The following PRSS2 variants were observed in gnomAD, a reference collection of about 807,000 sequenced individuals.
PRSS2 encodes serine protease 2, also known as trypsin-2.
In PRSS2, 19 loss-of-function variants were observed where a neutral mutation model predicts 19.2. The ratio of observed to expected loss-of-function variants is 0.99; its 90% CI spans 0.69 to 1.45. The LOEUF (loss-of-function observed/expected upper bound fraction) is 1.45. PRSS2 is among the 40% of genes most tolerant of loss of function. The pLI is 0.00. For missense variants in PRSS2, 288 were observed against 294.4 expected (o/e 0.98, Z 0.16); for synonymous variants, 107 against 117.5 (o/e 0.91, Z 0.58).
At chr7:142,774,271 AG>A (rs1400758040) in intron 4 of PRSS2, 84 bp from the exon 5 acceptor site, 1 of 1,056,126 alleles carries the variant, frequency 9.5e-7, no homozygotes, top group African/African-American at 1.5e-5. Context: ...CTGGCTGGAA[AG>A]GGCTCTTTTA....
At position 142,772,097 on chromosome 7, in the gene PRSS2, G is replaced by C. The variant is rs772292194; in HGVS notation, c.89G>C (p.Cys30Ser). Residue 30 changes from cysteine (C) to serine (S), a missense_variant, in exon 2 of 5, where the codon TGT becomes TCT. Transcript: ENST00000539842. ...DDDKIVGGYI[C>S]EENSVPYQVS... ...GACAAGATCGTTGGGGGCTACATCT[G>C]TGAGGAGAATTCTGTCCCCTACCAG... 1 of 1,613,832 alleles carries C rather than the reference G, an allele frequency of 6.2e-7. No individual in the cohort carries two copies. The highest frequency in any genetic ancestry group is 1.1e-5 in the South Asian group (1 of 91,058).
rs1800118519 is a variant in PRSS2, at chr7:142,773,304, T to C, written c.239T>C (p.Val80Ala). The C allele has an allele frequency of 6.2e-7, 1 of 1,614,216 alleles. No homozygotes were observed. Among genetic ancestry groups the C allele is most frequent in the Non-Finnish European group, 8.5e-7 (1 of 1,180,040 alleles). The part of the protein sequence containing the change: ...QVRLGEHNIE[V>A]LEGNEQFINA... ...AGACTGGGAGAGCACAACATCGAAG[T>C]CCTGGAGGGGAATGAACAGTTCATC... The change falls in exon 3 of 5, where the codon GTC becomes GCC. Residue 80 changes from valine to alanine, a missense_variant. Val to Ala is a moderately conservative substitution (Grantham distance 64). Transcript: ENST00000539842.
At position 142,774,197 on chromosome 7, in the gene PRSS2, G is replaced by T. The variant is rs891530291; in HGVS notation, c.591+142G>T. 452 of 1,193,118 alleles carry T rather than the reference G, an allele frequency of 3.8e-4. No individual in the cohort carries two copies. In the African/African-American group the frequency reaches 6.0e-3, roughly 16 times the overall value. 73.9% of individuals were successfully genotyped at this position (1,193,118 alleles called of 1,614,324 possible). A position where few individuals can be genotyped will look rare whatever the true frequency, so the allele number is the denominator to read the frequency against. ...GAAGTGAGGAAGACTCCTTTGGGCT[G>T]CATCCTGTCTGCTTAGGAAGAACAG... On this transcript the variant is annotated intron_variant, in intron 4 of 4. Coordinates refer to ENST00000539842, the MANE Select transcript of PRSS2 (RefSeq NM_002770.4).
At chr7:142,771,056 A>T (rs548651868) in intron 1 of PRSS2, 34 bp downstream of exon 1, 6 of 443,754 alleles carry the variant, frequency 1.4e-5, no homozygotes, top group Admixed American at 3.5e-5. Context: ...GCCTCAACCA[A>T]CCCTTCCCTG....
intron 2 of PRSS2, 86 bp from the exon 3 acceptor site, chr7:142,773,180 G>A: frequency 1.9e-6 from 3 of 1,612,236 alleles, no homozygotes; most frequent in Non-Finnish European, 1.7e-6. Flanking sequence ...CTGTCCATGA[G>A]CAGGGAGCTT....
intron 1 of PRSS2, 131 bp downstream of exon 1, chr7:142,771,153 C>CCCAT (rs2117058992): frequency 2.0e-6 from 1 of 494,442 alleles, no homozygotes; most frequent in Admixed American, 3.0e-5. Context: ...ATTTCTTCTT[C>CCCAT]CCATCCTCCT....
chr7:142,773,127 G>A, intron 2 of PRSS2, 139 bp from the exon 3 acceptor site: 2 of 1,485,364 alleles, frequency 1.3e-6, no homozygotes, highest in South Asian at 1.3e-5. Context: ...TTGCTCTCCT[G>A]CCCATGCAAT....
intron 2 of PRSS2, chr7:142,772,635 G>A (rs1453139353): frequency 1.5e-6 from 1 of 657,216 alleles, no homozygotes; most frequent in Non-Finnish European, 2.7e-6. Context: ...TCTGGTAACT[G>A]TAGAGTGTAT....
chr7:142,771,163 T>C lies in PRSS2; in HGVS notation c.40+141T>C, dbSNP rs997165679. The C allele has an allele frequency of 2.7e-5, 13 of 487,576 alleles. No homozygotes were observed. In the Admixed American group the frequency reaches 3.7e-4, roughly 14 times the overall value. The allele number at this position is 487,576 out of a possible 1,614,324, so 30.2% of individuals were successfully genotyped here. On this transcript the variant is annotated intron_variant, in intron 1 of 4. Transcript: ENST00000539842. ...CTGGCATTTCTTCTTCCCATCCTCC[T>C]TGGGCTCTTTTTAAGCCTCACTTGT...
In PRSS2 at chr7:142,772,087, G is replaced by T. The variant is rs2117068771; in HGVS notation, c.79G>T (p.Gly27Cys). The change falls in exon 2 of 5, where the codon GGC (glycine) becomes TGC (cysteine). Residue 27 changes from glycine (G) to cysteine (C), a missense_variant. Transcript: ENST00000539842. ...TGATGATGATGACAAGATCGTTGGG[G>T]GCTACATCTGTGAGGAGAATTCTGT... Reference protein sequence around the residue: ...PFDDDDKIVGGYICEENSVPY... With the variant: ...PFDDDDKIVGCYICEENSVPY... 5 of 1,613,784 alleles carry T rather than the reference G, an allele frequency of 3.1e-6. No individual in the cohort carries two copies. The highest frequency in any genetic ancestry group is 4.2e-6 in the Non-Finnish European group (5 of 1,179,690).
rs1279749740 is a variant in PRSS2 at position 142,772,745 on chromosome 7, A to T, written c.201-521A>T. The T allele has an allele frequency of 1.8e-5, 10 of 570,992 alleles. 1 individual carries two copies. Among genetic ancestry groups the T allele is most frequent in the East Asian group, 1.1e-4 (4 of 35,388 alleles). The allele number at this position is 570,992 out of a possible 1,614,324, so 35.4% of individuals were successfully genotyped here. ...GTTAAGGCACAAATCACTGGGACCC[A>T]TCCCCAAGGTTCTGATCAGTAGGTG... On this transcript the variant is annotated intron_variant, in intron 2 of 4. Coordinates refer to ENST00000539842, the MANE Select transcript of PRSS2 (RefSeq NM_002770.4).
chr7:142,772,432 C>T, intron 2 of PRSS2: 1 of 777,078 alleles, frequency 1.3e-6, no homozygotes, highest in Non-Finnish European at 2.2e-6. Flanking sequence ...GTCATAAAAG[C>T]AGGCAGGGAT....
chr7:142,771,088 CT>C (rs1554505447), intron 1 of PRSS2, 66 bp downstream of exon 1: 1 of 553,980 alleles, frequency 1.8e-6, no homozygotes, highest in Non-Finnish European at 3.3e-6. Flanking sequence ...CCCTGCCATT[CT>C]TGCCACCTCT....
At chr7:142,771,994 G>A in intron 1 of PRSS2, 55 bp from the exon 2 acceptor site, 6 of 1,613,126 alleles carry the variant, frequency 3.7e-6, no homozygotes, top group Non-Finnish European at 5.1e-6. Context: ...CAGGCTGGGA[G>A]CGCCACCCCT....
intron 1 of PRSS2, among the ~76,000 whole-genome samples, 195 bp downstream of exon 1, chr7:142,771,217 C>T (rs959681623): frequency 1.2e-4 from 19 of 152,088 alleles, no homozygotes; most frequent in East Asian, 5.8e-4. Flanking sequence ...TCACTCCCAC[C>T]GCTGTTATTC....
chr7:142,773,645 G>A lies in PRSS2; in HGVS notation c.454+126G>A, dbSNP rs925894190. 2.1e-4 allele frequency: 269 copies of A among 1,260,744 alleles called. No homozygotes were observed. The Middle Eastern group carries it at 4.4e-3, about 20-fold the overall frequency. The allele number at this position is 1,260,744 out of a possible 1,614,324, so 78.1% of individuals were successfully genotyped here. A position where few individuals can be genotyped will look rare whatever the true frequency, so the allele number is the denominator to read the frequency against. Reference sequence around the variant, plus strand: ...CATTTCTAGTGCCCATTACACACAGGCTCTGCACTGGGCACCAGAGAGATG... The same window carrying A: ...CATTTCTAGTGCCCATTACACACAGACTCTGCACTGGGCACCAGAGAGATG... On this transcript the variant is annotated intron_variant, in intron 3 of 4. Coordinates refer to ENST00000539842, the MANE Select transcript of PRSS2 (RefSeq NM_002770.4).
rs774402960 is a variant in PRSS2, at chr7:142,772,190, C to T, written c.182C>T (p.Ala61Val). The change falls in exon 2 of 5, where the codon GCA becomes GTA. Residue 61 changes from alanine to valine, a missense_variant. Transcript: ENST00000539842. Reference sequence around the variant, plus strand: ...ATCAGCGAACAGTGGGTGGTGTCAGCAGGTCACTGCTACAAGTCGTAAGTG... The same window carrying T: ...ATCAGCGAACAGTGGGTGGTGTCAGTAGGTCACTGCTACAAGTCGTAAGTG... Reference protein sequence around the residue: ...SLISEQWVVSAGHCYKSRIQV... With the variant: ...SLISEQWVVSVGHCYKSRIQV... 6.2e-7 allele frequency: 1 copy of T among 1,613,866 alleles called. No homozygotes were observed. Among genetic ancestry groups the T allele is most frequent in the Non-Finnish European group, 8.5e-7 (1 of 1,179,734 alleles).
At chr7:142,773,874 G>T in intron 3 of PRSS2, 45 bp from the exon 4 acceptor site, 1 of 1,579,712 alleles carries the variant, frequency 6.3e-7, no homozygotes, top group Non-Finnish European at 8.7e-7. Context: ...TCTTTCTCTG[G>T]CCTAACCCAC....
rs1583111225 is a variant in PRSS2, at chr7:142,774,065, C to T, written c.591+10C>T. 6.4e-7 allele frequency: 1 copy of T among 1,562,584 alleles called. No homozygotes were observed. Among genetic ancestry groups the T allele is most frequent in the Non-Finnish European group, 8.8e-7 (1 of 1,139,192 alleles). On this transcript the variant is annotated intron_variant, in intron 4 of 4. Coordinates refer to ENST00000539842, the MANE Select transcript of PRSS2 (RefSeq NM_002770.4). ...CAAGGATTCCTGCCAGGTGATTTGACCCCTTCCCATGCTGAGGCTCCCACT... is the reference window on the plus strand; with the variant it reads ...CAAGGATTCCTGCCAGGTGATTTGATCCCTTCCCATGCTGAGGCTCCCACT...
Sources: allele counts gnomAD v4.1 joint callset (sites outside exome capture counted in the v4.1 genomes callset), GRCh38; gene constraint gnomAD v4.1.1; transcripts MANE v1.5; gene names NCBI Gene and HGNC (gene_info 2026-07-23, HGNC 2026-07-21).